The following WDR17 variants were observed in gnomAD, a reference collection of about 807,000 sequenced individuals.
WDR17 encodes the protein WD repeat-containing protein 17.
WDR17 carries 143 observed loss-of-function variants against 161.7 expected under a neutral mutation model. The observed-to-expected ratio is 0.88, with a 90% CI of 0.77 to 1.02. The LOEUF is 1.02. WDR17 is among the 50% of genes least tolerant of loss of function. WDR17 has a pLI of 0.00. For missense variants in WDR17, 1,469 were observed against 1,520.9 expected (o/e 0.97, Z 0.57); for synonymous variants, 517 against 515.6 (o/e 1.00, Z -0.04).
At chr4:176,098,534 T>C (rs1428451956) in intron 1 of WDR17, among the ~76,000 whole-genome samples, 2 of 151,984 alleles carry the variant, frequency 1.3e-5, no homozygotes, top group African/African-American at 4.8e-5. Flanking sequence ...TTTTTAGTAA[T>C]GCAGAATCAT....
intron 4 of WDR17, among the ~76,000 whole-genome samples, chr4:176,121,729 G>A (rs1039560390): frequency 1.3e-5 from 2 of 151,936 alleles, no homozygotes; most frequent in African/African-American, 2.4e-5. Context: ...ACTTTTTATT[G>A]TGTATCTAAA....
chr4:176,095,277 A>T (rs986474145), intron 1 of WDR17, among the ~76,000 whole-genome samples: 6 of 152,174 alleles, frequency 3.9e-5, no homozygotes, highest in African/African-American at 1.4e-4. Context: ...AAACTAGAAG[A>T]GCAGGGCAGA....
rs540724510 is a variant in WDR17, at chr4:176,165,349, A to G, written c.2990+2056A>G. Among the ~76,000 whole-genome samples the G allele has an allele frequency of 4.0e-3, 613 of 152,234 alleles. 2 individuals carry two copies. The highest frequency in any genetic ancestry group is 0.013 in the African/African-American group (559 of 41,542). On this transcript the variant is annotated intron_variant, in intron 22 of 28. Coordinates refer to ENST00000508596, the MANE Select transcript of WDR17 (RefSeq NM_181265.4). The stretch of plus-strand genomic sequence containing the variant: ...ATGCCACTGCACTCCAGCCTGGGCA[A>G]CAAGAGTGAAACTTCGTCTCAAGGA...
rs758711307 is a variant in WDR17 at position 176,177,454 on chromosome 4, ATC to A, written c.3549-15_3549-14del. The stretch of plus-strand genomic sequence containing the variant: ...TGATTCGACAAAATGAAATTTTGAT[ATC>A]TGTTGAAAATATAGATCATTAGAAG... On this transcript the variant is annotated splice_polypyrimidine_tract_variant and intron_variant, in intron 27 of 28. Coordinates refer to ENST00000508596, the MANE Select transcript of WDR17 (RefSeq NM_181265.4). 3 of 1,517,688 alleles carry A rather than the reference ATC, an allele frequency of 2.0e-6. No individual in the cohort carries two copies. The highest frequency in any genetic ancestry group is 2.6e-6 in the Non-Finnish European group (3 of 1,137,828). 94.0% of individuals were successfully genotyped at this position (1,517,688 alleles called of 1,614,324 possible).
chr4:176,132,912 G>T (rs1743699900), intron 7 of WDR17, among the ~76,000 whole-genome samples: 1 of 151,628 alleles, frequency 6.6e-6, no homozygotes, highest in Admixed American at 6.6e-5. Flanking sequence ...AGACCAACCA[G>T]AATGACTTCT....
chr4:176,105,616 A>G (rs1407349801), intron 1 of WDR17, among the ~76,000 whole-genome samples: 3 of 152,148 alleles, frequency 2.0e-5, no homozygotes, highest in East Asian at 3.8e-4. Flanking sequence ...CCAACAACCA[A>G]TGGATGAAAG....
rs1245929340 is a variant in WDR17, at chr4:176,179,688, C to G, written c.*109C>G. On this transcript the variant is annotated 3_prime_UTR_variant, in exon 29 of 29. Transcript: ENST00000508596. Reference sequence around the variant, plus strand: ...GTGCCAGAGGTTGGGAGAAGGATTGCAGGTTGGGAGAGGTGGGAAATAGCA... The same window carrying G: ...GTGCCAGAGGTTGGGAGAAGGATTGGAGGTTGGGAGAGGTGGGAAATAGCA... The G allele has an allele frequency of 1.7e-6, 2 of 1,150,550 alleles. No homozygotes were observed. Among genetic ancestry groups the G allele is most frequent in the Non-Finnish European group, 2.3e-6 (2 of 879,108 alleles). The allele number at this position is 1,150,550 out of a possible 1,614,324, so 71.3% of individuals were successfully genotyped here. A position where few individuals can be genotyped will look rare whatever the true frequency, so the allele number is the denominator to read the frequency against.
In WDR17 at chr4:176,151,884, G is replaced by A. The variant is rs1579199929; in HGVS notation, c.2377G>A (p.Glu793Lys). Residue 793 changes from glutamate (E) to lysine (K), a missense_variant, in exon 17 of 29, where the codon GAA becomes AAA. By Grantham distance (56) the Glu-to-Lys change is moderately conservative (BLOSUM62 1). Coordinates refer to ENST00000508596, the MANE Select transcript of WDR17 (RefSeq NM_181265.4). ...TGGTATTGGTGTACCTGCTAAAGAG[G>A]AAAGACTGAAGGAAGCTGCTGAAAT... ...GGGIGVPAKE[E>K]RLKEAAEIHL... 1.9e-6 allele frequency: 3 copies of A among 1,613,370 alleles called. No individual in the cohort carries two copies. The East Asian group carries it at 6.7e-5, about 36-fold the overall frequency.
At chr4:176,103,084 C>G (rs1738081642) in intron 1 of WDR17, among the ~76,000 whole-genome samples, 1 of 152,168 alleles carries the variant, frequency 6.6e-6, no homozygotes, top group African/African-American at 2.4e-5. Context: ...GAAGCAATTT[C>G]AAGGGGACTT....
intron 26 of WDR17, among the ~76,000 whole-genome samples, chr4:176,175,718 C>T (rs1001008717): frequency 3.5e-5 from 5 of 143,934 alleles, no homozygotes; most frequent in African/African-American, 8.8e-5. Context: ...CCACCACGCC[C>T]GGCTAATTTT....
chr4:176,069,642 A>G (rs1333748516), intron 1 of WDR17, among the ~76,000 whole-genome samples: 1 of 152,108 alleles, frequency 6.6e-6, no homozygotes, highest in African/African-American at 2.4e-5. Flanking sequence ...CTTCTTCCAG[A>G]TTCTTCCCAT....
At position 176,179,409 on chromosome 4, in the gene WDR17, C is replaced by G. The variant is rs768115688; in HGVS notation, c.3733-51C>G. 6.4e-6 allele frequency: 9 copies of G among 1,395,790 alleles called. No homozygotes were observed. In the East Asian group the frequency reaches 2.4e-4, roughly 37 times the overall value. 86.5% of individuals were successfully genotyped at this position (1,395,790 alleles called of 1,614,324 possible). ...TTCTCTTTCTGAAAGTTTAAAAATACTTTGCAAATTTATAATCTCATCTTC... is the reference window on the plus strand; with the variant it reads ...TTCTCTTTCTGAAAGTTTAAAAATAGTTTGCAAATTTATAATCTCATCTTC... On this transcript the variant is annotated intron_variant, in intron 28 of 28. Transcript: ENST00000508596.
chr4:176,133,184 AT>A (rs1313121933), intron 7 of WDR17, among the ~76,000 whole-genome samples: 217 of 75,702 alleles, frequency 2.9e-3, no homozygotes, highest in African/African-American at 6.5e-3. Context: ...TTTTATTTTT[AT>A]TTTTTTTTTT....
intron 3 of WDR17, among the ~76,000 whole-genome samples, chr4:176,117,535 A>T (rs1740839145): frequency 6.6e-6 from 1 of 152,076 alleles, no homozygotes; most frequent in African/African-American, 2.4e-5. Context: ...GTAATGATTA[A>T]TTTTATTATC....
In WDR17 at chr4:176,121,244, C is replaced by G. The variant is rs75486566; in HGVS notation, c.538+1147C>G. 8.4e-3 allele frequency among the ~76,000 whole-genome samples: 1,286 copies of G among 152,278 alleles called. 6 individuals carry two copies. The highest frequency in any genetic ancestry group is 0.013 in the Non-Finnish European group (856 of 68,024). On this transcript the variant is annotated intron_variant, in intron 4 of 28. Coordinates refer to ENST00000508596, the MANE Select transcript of WDR17 (RefSeq NM_181265.4). The stretch of plus-strand genomic sequence containing the variant: ...GCAACTTATCTGTTCTGTCCTTGCA[C>G]TGGAAACAGATCCTGTTTTATAGTT...
Position 176,172,361 on chromosome 4 carries a change from C to G in WDR17, c.3103-14C>G. On this transcript the variant is annotated splice_polypyrimidine_tract_variant and intron_variant, in intron 23 of 28. Transcript: ENST00000508596. ...AATTTTAGTAACATTGTTTTCAAAT[C>G]AATTATTTTCTAGTGTAAGCTACCC... is the stretch of plus-strand genomic sequence containing the variant. 6.3e-7 allele frequency: 1 copy of G among 1,599,224 alleles called. No individual in the cohort carries two copies. Among genetic ancestry groups the G allele is most frequent in the East Asian group, 2.2e-5 (1 of 44,484 alleles).
intron 1 of WDR17, among the ~76,000 whole-genome samples, chr4:176,101,785 T>A (rs746191673): frequency 1.3e-5 from 2 of 152,018 alleles, no homozygotes; most frequent in Non-Finnish European, 2.9e-5. Context: ...ACAAAGATAG[T>A]CTTTTCAACA....
At chr4:176,088,009 A>G (rs1399569348) in intron 1 of WDR17, among the ~76,000 whole-genome samples, 1 of 151,980 alleles carries the variant, frequency 6.6e-6, no homozygotes, top group Non-Finnish European at 1.5e-5. Context: ...ATACCTGGCT[A>G]ATTTTTATAT....
chr4:176,173,427 T>G (rs988845024), intron 25 of WDR17, 58 bp downstream of exon 25: 51 of 1,190,666 alleles, frequency 4.3e-5, no homozygotes, highest in Non-Finnish European at 5.4e-5. Context: ...TTAAAGTGGC[T>G]CCATTGTTTT....
Sources: gnomAD v4.1 joint callset for allele counts (sites outside exome capture counted in the v4.1 genomes callset) on GRCh38, gnomAD v4.1.1 for gene constraint, MANE v1.5 for transcripts, NCBI Gene and HGNC (gene_info 2026-07-23, HGNC 2026-07-21) for gene names.